Variants in XIRP2 observed in about 807,000 individuals in gnomAD.
XIRP2 encodes the protein xin actin-binding repeat-containing protein 2.
Under a neutral mutation model 277.0 loss-of-function variants are expected in XIRP2, and 236 were observed. The ratio of observed to expected loss-of-function variants is 0.85; its 90% confidence interval spans 0.77 to 0.95. The LOEUF is 0.95. XIRP2 is among the 40% of genes least tolerant of loss of function. XIRP2 has a pLI of 0.00. For missense variants in XIRP2, 4,640 were observed against 4,157.5 expected (o/e 1.12, Z -3.19); for synonymous variants, 1,490 against 1,416.5 (o/e 1.05, Z -1.17).
At chr2:166,916,400 T>C (rs1684880277) in intron 2 of XIRP2, among the ~76,000 whole-genome samples, 1 of 152,182 alleles carries the variant, frequency 6.6e-6, no homozygotes, top group South Asian at 2.1e-4. Context: ...CATCAGTGTT[T>C]CTGAGGTAAC....
At chr2:167,163,187 AT>A (rs1258323773) in intron 3 of XIRP2, among the ~76,000 whole-genome samples, 1 of 152,196 alleles carries the variant, frequency 6.6e-6, no homozygotes, top group African/African-American at 2.4e-5. Context: ...TAGTGGATTA[AT>A]ACCTGGGAGT....
At chr2:167,025,085 G>A (rs1688112215) in intron 2 of XIRP2, among the ~76,000 whole-genome samples, 1 of 151,888 alleles carries the variant, frequency 6.6e-6, no homozygotes, top group Admixed American at 6.6e-5. Flanking sequence ...ATCTGGTCCT[G>A]GACTCTTTAC....
At chr2:167,033,316 C>A (rs1033216015) in intron 2 of XIRP2, among the ~76,000 whole-genome samples, 1 of 151,970 alleles carries the variant, frequency 6.6e-6, no homozygotes. Flanking sequence ...GGAAGGGTAG[C>A]ATTAGGAGAA....
intron 1 of XIRP2, among the ~76,000 whole-genome samples, chr2:166,896,836 C>G (rs1344556273): frequency 6.6e-6 from 1 of 152,146 alleles, no homozygotes; most frequent in African/African-American, 2.4e-5. Flanking sequence ...GTTCCCCATA[C>G]AGGTATAATA....
At chr2:166,929,081 T>A (rs1685261364) in intron 2 of XIRP2, among the ~76,000 whole-genome samples, 1 of 151,978 alleles carries the variant, frequency 6.6e-6, no homozygotes, top group African/African-American at 2.4e-5. Context: ...AGCCTCAGCC[T>A]CACCTGTGAA....
chr2:167,109,503 A>T (rs767741098), intron 2 of XIRP2, among the ~76,000 whole-genome samples: 1 of 151,934 alleles, frequency 6.6e-6, no homozygotes, highest in Non-Finnish European at 1.5e-5. Context: ...CTGGTCTTGA[A>T]CTCCTGACCT....
chr2:167,221,446 G>A (rs989931207), intron 5 of XIRP2, among the ~76,000 whole-genome samples: 4 of 118,116 alleles, frequency 3.4e-5, no homozygotes, highest in Non-Finnish European at 6.5e-5. Flanking sequence ...GGCAACAAGA[G>A]CGAAACTCCA....
At chr2:167,033,265 G>A (rs886281277) in intron 2 of XIRP2, among the ~76,000 whole-genome samples, 1 of 151,996 alleles carries the variant, frequency 6.6e-6, no homozygotes, top group Non-Finnish European at 1.5e-5. Context: ...ACATGGAGGG[G>A]GACATCACAC....
At chr2:167,239,342 T>C (rs936843303) in intron 5 of XIRP2, among the ~76,000 whole-genome samples, 2 of 152,240 alleles carry the variant, frequency 1.3e-5, no homozygotes, top group African/African-American at 4.8e-5. Flanking sequence ...TTAAATTACA[T>C]GGCAAAGGAG....
intron 3 of XIRP2, among the ~76,000 whole-genome samples, chr2:167,189,644 C>G (rs933571909): frequency 6.6e-6 from 1 of 152,154 alleles, no homozygotes; most frequent in Non-Finnish European, 1.5e-5. Flanking sequence ...TTTTTTAGAA[C>G]ACTGATTTAT....
intron 5 of XIRP2, among the ~76,000 whole-genome samples, chr2:167,233,576 A>T (rs905001131): frequency 6.6e-6 from 1 of 151,860 alleles, no homozygotes. Flanking sequence ...CATTGGTAGG[A>T]CATAGAAATC....
intron 2 of XIRP2, among the ~76,000 whole-genome samples, chr2:167,032,581 AG>A (rs1688394642): frequency 6.6e-6 from 1 of 152,194 alleles, no homozygotes; most frequent in Non-Finnish European, 1.5e-5. Context: ...AGAATCTACA[AG>A]GAACTTAAAC....
intron 2 of XIRP2, among the ~76,000 whole-genome samples, chr2:167,116,580 C>T (rs1221833239): frequency 6.6e-6 from 1 of 152,148 alleles, no homozygotes; most frequent in Non-Finnish European, 1.5e-5. Flanking sequence ...GTCAACTTTT[C>T]CACATTCCCT....
intron 2 of XIRP2, among the ~76,000 whole-genome samples, chr2:167,130,463 G>C (rs1404403744): frequency 6.6e-6 from 1 of 151,974 alleles, no homozygotes; most frequent in Middle Eastern, 3.4e-3. Context: ...CCCTACCCTA[G>C]CTTTCATTTT....
intron 2 of XIRP2, among the ~76,000 whole-genome samples, chr2:166,915,995 G>A (rs558477328): frequency 9.9e-5 from 15 of 152,242 alleles, no homozygotes; most frequent in African/African-American, 3.1e-4. Context: ...GAGGCATGGA[G>A]AAAACCATGA....
intron 2 of XIRP2, among the ~76,000 whole-genome samples, chr2:167,101,467 C>A (rs1412721556): frequency 1.3e-5 from 2 of 152,136 alleles, no homozygotes; most frequent in Non-Finnish European, 2.9e-5. Flanking sequence ...CATCCCTCAC[C>A]CACTTCCCAC....
chr2:167,130,857 C>T, intron 2 of XIRP2, among the ~76,000 whole-genome samples: 1 of 152,084 alleles, frequency 6.6e-6, no homozygotes, highest in East Asian at 1.9e-4. Context: ...TCTCATTGCC[C>T]AAACTAGAAC....
chr2:167,104,816 G>A (rs1486031533), intron 2 of XIRP2, among the ~76,000 whole-genome samples: 2 of 151,922 alleles, frequency 1.3e-5, no homozygotes, highest in African/African-American at 4.8e-5. Context: ...TATCACCAAA[G>A]CTTCTTTCAG....
intron 6 of XIRP2, among the ~76,000 whole-genome samples, chr2:167,240,381 C>T (rs901446727): frequency 6.6e-6 from 1 of 152,088 alleles, no homozygotes; most frequent in African/African-American, 2.4e-5. Context: ...CGCCATTGCA[C>T]TCCAGCCCGG....
Sources: allele counts gnomAD v4.1 joint callset (sites outside exome capture counted in the v4.1 genomes callset), GRCh38; gene constraint gnomAD v4.1.1; transcripts MANE v1.5; gene names NCBI Gene and HGNC (gene_info 2026-07-23, HGNC 2026-07-21).